Variants in EDC3 observed in about 807,000 individuals in gnomAD.
EDC3 encodes the protein enhancer of mRNA decapping 3, also known as enhancer of mRNA-decapping protein 3.
Under a neutral mutation model 41.8 loss-of-function variants are expected in EDC3, and 20 were observed. That is an observed-to-expected ratio of 0.48 (90% CI 0.34 to 0.70). EDC3 has a LOEUF of 0.70. Among genes scored for constraint, EDC3 ranks in the 30% least tolerant of loss-of-function variants. The pLI, the probability that EDC3 is intolerant of heterozygous loss-of-function variation, is 0.01. For synonymous variants in EDC3, 206 were observed against 243.2 expected (o/e 0.85, Z 1.42); for missense variants, 444 against 636.8 (o/e 0.70, Z 3.26).
intron 3 of EDC3, among the ~76,000 whole-genome samples, chr15:74,660,684 C>A (rs2062611161): frequency 6.6e-6 from 1 of 152,056 alleles, no homozygotes; most frequent in African/African-American, 2.4e-5. Flanking sequence ...AGAAATAGGT[C>A]TCTTGCCCAG....
chr15:74,641,620 C>T (rs1328924757), intron 4 of EDC3: 3 of 152,778 alleles, frequency 2.0e-5, no homozygotes, highest in African/African-American at 7.2e-5. Flanking sequence ...CAAAGAGCCC[C>T]ACTTGGCTTC....
At position 74,668,925 on chromosome 15, in the gene EDC3, T is replaced by C. The variant is rs985707040; in HGVS notation, c.484+2530A>G. ...ACCAAAGGAAACTACCTTGAAACTG[T>C]ATATTACATACATTAAAACATTTTT... On this transcript the variant is annotated intron_variant, in intron 3 of 6. Transcript: ENST00000315127. Among the ~76,000 whole-genome samples, 38 of 152,134 alleles carry C rather than the reference T, an allele frequency of 2.5e-4. 1 individual carries two copies. The highest frequency in any genetic ancestry group is 8.0e-4 in the African/African-American group (33 of 41,436).
intron 1 of EDC3, among the ~76,000 whole-genome samples, chr15:74,688,358 CAT>C: frequency 6.6e-6 from 1 of 152,320 alleles, no homozygotes; most frequent in Non-Finnish European, 1.5e-5. Flanking sequence ...CAAGGTATAA[CAT>C]ATACAGTAAG....
chr15:74,636,546 T>G (rs370383124), intron 5 of EDC3: 1 of 152,192 alleles, frequency 6.6e-6, no homozygotes, highest in Non-Finnish European at 1.5e-5. Flanking sequence ...GCCCAACTCA[T>G]AGGCAGCACA....
intron 4 of EDC3, among the ~76,000 whole-genome samples, chr15:74,648,330 A>G (rs980585674): frequency 6.6e-6 from 1 of 152,232 alleles, no homozygotes; most frequent in African/African-American, 2.4e-5. Flanking sequence ...GGTGACAAGA[A>G]GCAGAGGAAG....
chr15:74,662,426 T>C (rs1212920734), intron 3 of EDC3, among the ~76,000 whole-genome samples: 2 of 147,368 alleles, frequency 1.4e-5, no homozygotes, highest in South Asian at 4.3e-4. Flanking sequence ...GCAATATATA[T>C]ATATATATAT....
chr15:74,674,966 G>A lies in EDC3; in HGVS notation c.159C>T (p.Thr53=), dbSNP rs1204453147. The A allele has an allele frequency of 6.2e-7, 1 of 1,613,992 alleles. No individual in the cohort carries two copies. The highest frequency in any genetic ancestry group is 8.5e-7 in the Non-Finnish European group (1 of 1,180,046). The change falls in exon 2 of 7, where the codon ACC becomes ACT. Residue 53 remains threonine (T), a synonymous_variant. Transcript: ENST00000315127. ...NGVKCLVPEV[T]FRAGDITELK... ...GAGTCAGTCAGGACACTCACCTGAA[G>A]GTGACTTCTGGAACAAGACACTTCA... is the stretch of plus-strand genomic sequence containing the variant.
chr15:74,644,495 ACACCGGGGCCTGT>A (rs895719039), intron 4 of EDC3: 2 of 151,982 alleles, frequency 1.3e-5, no homozygotes, highest in Non-Finnish European at 2.9e-5. Flanking sequence ...GGAACATCAC[ACACCGGGGCCTGT>A]CAGGGTGTGG....
chr15:74,666,206 G>A lies in EDC3; in HGVS notation c.484+5249C>T, dbSNP rs576516529. ...TTTTTACTTACAGGGCTCAATGAGT[G>A]GAAAAATAATTATAACTCTACCTTC... On this transcript the variant is annotated intron_variant, in intron 3 of 6. Transcript: ENST00000315127. Among the ~76,000 whole-genome samples the A allele has an allele frequency of 3.3e-5, 5 of 152,244 alleles. No homozygotes were observed. The South Asian group carries it at 1.0e-3, about 32-fold the overall frequency.
chr15:74,650,116 G>A (rs749786028), intron 4 of EDC3, among the ~76,000 whole-genome samples: 1 of 152,124 alleles, frequency 6.6e-6, no homozygotes, highest in Non-Finnish European at 1.5e-5. Context: ...GACTGGTCCT[G>A]CTCTGGTCTC....
At chr15:74,693,586 G>A (rs902155402) in intron 1 of EDC3, among the ~76,000 whole-genome samples, 2 of 152,152 alleles carry the variant, frequency 1.3e-5, no homozygotes, top group African/African-American at 2.4e-5. Flanking sequence ...GCTGTAAGTA[G>A]TGTCCACAAA....
chr15:74,649,013 C>T (rs1400849942), intron 4 of EDC3, among the ~76,000 whole-genome samples: 1 of 151,868 alleles, frequency 6.6e-6, no homozygotes, highest in Non-Finnish European at 1.5e-5. Context: ...CAACCTGTGC[C>T]TCCCGAGTAG....
intron 4 of EDC3, among the ~76,000 whole-genome samples, chr15:74,646,083 G>A (rs1375937115): frequency 2.9e-5 from 2 of 69,472 alleles, no homozygotes; most frequent in Non-Finnish European, 3.1e-5. Flanking sequence ...TTTTTTTTTT[G>A]AGACAGAGTT....
chr15:74,631,419 T>C lies in EDC3; in HGVS notation c.*1193A>G, dbSNP rs1259820932. ...GGCCTAGAGCTTGGCACCTTAGGAT[T>C]TGAGCATCAGTGTGTTCCTATGGTT... On this transcript the variant is annotated 3_prime_UTR_variant, in exon 7 of 7. Coordinates refer to ENST00000315127, the MANE Select transcript of EDC3 (RefSeq NM_025083.5). 1.3e-5 allele frequency: 2 copies of C among 152,270 alleles called. No homozygotes were observed. The highest frequency in any genetic ancestry group is 1.5e-5 in the Non-Finnish European group (1 of 68,054). 9.4% of individuals were successfully genotyped at this position (152,270 alleles called of 1,614,324 possible).
In EDC3 at chr15:74,693,997, A is replaced by C. The variant is rs7173863; in HGVS notation, c.-19+1883T>G. Among the ~76,000 whole-genome samples the C allele has an allele frequency of 1.4e-3, 219 of 152,060 alleles. 1 individual carries two copies. The highest frequency in any genetic ancestry group is 5.0e-3 in the African/African-American group (208 of 41,474). Reference sequence around the variant, plus strand: ...GTGAGACTCCATCTCAAAAAAAAAAACAAAAACTTCATAAATGCCTTGCTA... The same window carrying C: ...GTGAGACTCCATCTCAAAAAAAAAACCAAAAACTTCATAAATGCCTTGCTA... On this transcript the variant is annotated intron_variant, in intron 1 of 6. Coordinates refer to ENST00000315127, the MANE Select transcript of EDC3 (RefSeq NM_025083.5).
intron 3 of EDC3, among the ~76,000 whole-genome samples, chr15:74,657,492 G>C (rs1596314144): frequency 6.6e-6 from 1 of 152,228 alleles, no homozygotes; most frequent in African/African-American, 2.4e-5. Flanking sequence ...AAGGAGTTGA[G>C]AGCAGTGCGT....
chr15:74,640,634 G>A lies in EDC3; in HGVS notation c.821-15C>T. 3 of 1,614,056 alleles carry A rather than the reference G, an allele frequency of 1.9e-6. No homozygotes were observed. The highest frequency in any genetic ancestry group is 1.7e-5 in the Admixed American group (1 of 60,004). On this transcript the variant is annotated splice_polypyrimidine_tract_variant and intron_variant, in intron 4 of 6. Transcript: ENST00000315127. ...CAGGCCAGAGTCTGCAGTTCAAAAG[G>A]AGAAGAGAAAGGGAAAGTGACTACA...
intron 4 of EDC3, among the ~76,000 whole-genome samples, chr15:74,649,870 G>T (rs532054488): frequency 2.0e-5 from 3 of 147,084 alleles, no homozygotes; most frequent in Admixed American, 1.3e-4. Flanking sequence ...AGGGGGGGGG[G>T]GTCACAAAAC....
At chr15:74,670,508 C>G (rs1014335495) in intron 3 of EDC3, among the ~76,000 whole-genome samples, 5 of 152,348 alleles carry the variant, frequency 3.3e-5, no homozygotes, top group African/African-American at 9.6e-5. Context: ...CAGCTCACTG[C>G]AACCTCTGCC....
Sources: allele counts gnomAD v4.1 joint callset (sites outside exome capture counted in the v4.1 genomes callset), GRCh38; gene constraint gnomAD v4.1.1; transcripts MANE v1.5; gene names NCBI Gene and HGNC (gene_info 2026-07-23, HGNC 2026-07-21).